The following PRKDC variants were observed in gnomAD, a reference collection of about 807,000 sequenced individuals.
PRKDC encodes DNA-dependent protein kinase catalytic subunit.
PRKDC carries 82 observed loss-of-function variants against 486.9 expected under a neutral mutation model. The observed-to-expected ratio is 0.17, with a 90% CI of 0.14 to 0.20. The LOEUF is 0.20. Among genes scored for constraint, PRKDC ranks in the 10% least tolerant of loss-of-function variants. The probability of loss-of-function intolerance (pLI) is 1.00; values close to 1 mark genes in which losing one functional copy is unlikely to be tolerated. For missense variants in PRKDC, 4,504 were observed against 5,038.2 expected (o/e 0.89, Z 3.21); for synonymous variants, 1,895 against 1,837.0 (o/e 1.03, Z -0.81).
In PRKDC at chr8:47,776,884, T is replaced by G. The variant is rs773752536; in HGVS notation, c.12142A>C (p.Lys4048Gln). ...GGATTGGCACCTGCTAACTTTCTCT[T>G]AGCGTAACATATTTTCTGTCGGGGG... ...WYPRQKICYAKRKLAGANPAV... is the reference protein window; with the variant it reads ...WYPRQKICYAQRKLAGANPAV... Residue 4048 changes from lysine (K) to glutamine (Q), a missense_variant, in exon 85 of 86, where the codon AAG (lysine) becomes CAG (glutamine). Transcript: ENST00000314191. The G allele has an allele frequency of 8.7e-6, 14 of 1,613,872 alleles. No individual in the cohort carries two copies. Among genetic ancestry groups the G allele is most frequent in the Middle Eastern group, 1.6e-4 (1 of 6,084 alleles).
At chr8:47,849,022 T>C in intron 54 of PRKDC, 132 bp downstream of exon 54, 3 of 1,210,936 alleles carry the variant, frequency 2.5e-6, no homozygotes, top group Non-Finnish European at 3.4e-6. Context: ...CTTCACCTTT[T>C]CTTCAGAGAT....
rs766296168 is a variant in PRKDC, at chr8:47,918,087, C to G, written c.2526+190G>C. Among the ~76,000 whole-genome samples, 11 of 152,166 alleles carry G rather than the reference C, an allele frequency of 7.2e-5. 1 individual carries two copies. Among genetic ancestry groups the G allele is most frequent in the Non-Finnish European group, 1.2e-4 (8 of 68,028 alleles). On this transcript the variant is annotated intron_variant, in intron 22 of 85. Coordinates refer to ENST00000314191, the MANE Select transcript of PRKDC (RefSeq NM_006904.7). Reference sequence around the variant, plus strand: ...AGCTCAAGCGATCCACCCACCTCACCCTCCTAAAGTGCTGGGATTACAGGT... The same window carrying G: ...AGCTCAAGCGATCCACCCACCTCACGCTCCTAAAGTGCTGGGATTACAGGT...
intron 16 of PRKDC, among the ~76,000 whole-genome samples, chr8:47,932,382 CT>C (rs1162885997): frequency 2.0e-5 from 3 of 149,466 alleles, no homozygotes; most frequent in African/African-American, 7.4e-5. Context: ...CGCGCCTGGC[CT>C]TTTTTTGTAT....
chr8:47,784,256 GC>G, intron 77 of PRKDC: 1 of 145,774 alleles, frequency 6.9e-6, no homozygotes, highest in Admixed American at 6.8e-5. Flanking sequence ...AGACTCCATC[GC>G]AAAAAAAAAA....
At chr8:47,875,554 T>C (rs1589758425) in intron 40 of PRKDC, among the ~76,000 whole-genome samples, 2 of 152,378 alleles carry the variant, frequency 1.3e-5, no homozygotes, top group African/African-American at 2.4e-5. Flanking sequence ...AATTAAAAGA[T>C]ACAAATTTCC....
Position 47,835,704 on chromosome 8 carries a change from G to A in PRKDC, c.7951+634C>T, listed in dbSNP as rs183258356. ...ATCATTCTTAGGTGCACAGTTCAAT[G>A]GCATTAAGGACATTTACGCTGCTGT... On this transcript the variant is annotated intron_variant, in intron 58 of 85. Transcript: ENST00000314191. Among the ~76,000 whole-genome samples the A allele has an allele frequency of 1.1e-3, 160 of 148,634 alleles. 1 individual carries two copies. The highest frequency in any genetic ancestry group is 3.6e-3 in the African/African-American group (144 of 40,436).
intron 1 of PRKDC, 100 bp from the exon 2 acceptor site, chr8:47,957,531 G>A (rs2090725537): frequency 9.8e-7 from 1 of 1,024,886 alleles, no homozygotes; most frequent in Non-Finnish European, 1.4e-6. Context: ...TTTTTTTTGA[G>A]ATGGAGTCTC....
intron 25 of PRKDC, among the ~76,000 whole-genome samples, chr8:47,908,880 C>T (rs1244403720): frequency 6.6e-6 from 1 of 152,150 alleles, no homozygotes; most frequent in Non-Finnish European, 1.5e-5. Context: ...TATTGATTTA[C>T]AGTTAGTTTC....
At chr8:47,775,886 C>T (rs1201694725) in intron 85 of PRKDC, among the ~76,000 whole-genome samples, 2 of 149,944 alleles carry the variant, frequency 1.3e-5, no homozygotes, top group Non-Finnish European at 3.0e-5. Flanking sequence ...ACAGTGGTGC[C>T]ATCTTGGCTC....
chr8:47,899,208 G>A (rs1024102282), intron 28 of PRKDC, among the ~76,000 whole-genome samples: 9 of 152,112 alleles, frequency 5.9e-5, no homozygotes, highest in African/African-American at 2.2e-4. Flanking sequence ...AGTTTCACTC[G>A]TTGAAAAAAT....
chr8:47,951,352 C>T (rs1437607795), intron 7 of PRKDC, among the ~76,000 whole-genome samples: 3 of 151,482 alleles, frequency 2.0e-5, no homozygotes, highest in Admixed American at 6.6e-5. Flanking sequence ...CAGAGTGAGA[C>T]CCTGTCTCAG....
chr8:47,782,701 C>T lies in PRKDC; in HGVS notation c.11176-103G>A. On this transcript the variant is annotated intron_variant, in intron 78 of 85. Coordinates refer to ENST00000314191, the MANE Select transcript of PRKDC (RefSeq NM_006904.7). This position sits in a 1 kb window ranked among gnomAD's most constrained non-coding sequence, Gnocchi z 4.9. ...GAGCATTCCTCCGTGGGGCCGCCCT[C>T]TGAAGACAGTGCCAAAGAGCAGAGC... 1 of 1,298,984 alleles carries T rather than the reference C, an allele frequency of 7.7e-7. No homozygotes were observed. The highest frequency in any genetic ancestry group is 2.5e-5 in the East Asian group (1 of 39,468). The allele number at this position is 1,298,984 out of a possible 1,614,324, so 80.5% of individuals were successfully genotyped here.
At position 47,882,013 on chromosome 8, in the gene PRKDC, T is replaced by C. The variant is rs370593598; in HGVS notation, c.4861A>G (p.Thr1621Ala). ...CACTTCTTCCAGTGTTGCAGAATTG[T>C]AGTCGCAAGTTTCAGTCCTTGGTGT... ...QKHQGLKLAT[T>A]ILQHWKKCDS... Residue 1621 changes from threonine (T) to alanine (A), a missense_variant, in exon 37 of 86, where the codon ACA becomes GCA. This residue lies in a region of PRKDC where 1,969 missense variants were observed against 2,068.9 expected (regional missense o/e 0.95). Coordinates refer to ENST00000314191, the MANE Select transcript of PRKDC (RefSeq NM_006904.7). The C allele has an allele frequency of 1.7e-5, 27 of 1,613,940 alleles. No homozygotes were observed. Among genetic ancestry groups the C allele is most frequent in the Non-Finnish European group, 2.0e-5 (24 of 1,179,894 alleles).
intron 21 of PRKDC, among the ~76,000 whole-genome samples, chr8:47,922,503 CT>C (rs572433897): frequency 7.2e-4 from 109 of 151,948 alleles, no homozygotes; most frequent in African/African-American, 2.4e-3. Flanking sequence ...ATAAGGTCTC[CT>C]TATGTTGCCC....
At chr8:47,875,186 C>T (rs1023453388) in intron 40 of PRKDC, among the ~76,000 whole-genome samples, 3 of 152,152 alleles carry the variant, frequency 2.0e-5, no homozygotes, top group Non-Finnish European at 2.9e-5. Flanking sequence ...TGGTAATTTA[C>T]GACTTTCTAT....
At chr8:47,819,688 TA>T (rs1385706513) in intron 66 of PRKDC, among the ~76,000 whole-genome samples, 178 bp from the exon 67 acceptor site, 1 of 151,794 alleles carries the variant, frequency 6.6e-6, no homozygotes, top group South Asian at 2.1e-4. Flanking sequence ...GTTTAAATTT[TA>T]AAAAAAAATT....
chr8:47,804,529 A>T (rs2087178120), intron 69 of PRKDC, among the ~76,000 whole-genome samples: 1 of 152,000 alleles, frequency 6.6e-6, no homozygotes, highest in Non-Finnish European at 1.5e-5. Context: ...CAAACTCCTG[A>T]CGTCAAGTGA....
At chr8:47,781,972 T>C (rs1298480728) in intron 80 of PRKDC, among the ~76,000 whole-genome samples, 190 bp downstream of exon 80, 1 of 152,252 alleles carries the variant, frequency 6.6e-6, no homozygotes, top group Non-Finnish European at 1.5e-5. Flanking sequence ...TTAATAAATA[T>C]TTTGTATTAC....
Position 47,888,527 on chromosome 8 carries a change from T to G in PRKDC, c.4404A>C (p.Leu1468Phe). The G allele has an allele frequency of 6.4e-7, 1 of 1,558,398 alleles. No individual in the cohort carries two copies. Among genetic ancestry groups the G allele is most frequent in the Non-Finnish European group, 8.7e-7 (1 of 1,150,488 alleles). Residue 1468 changes from leucine (L) to phenylalanine (F), a missense_variant, in exon 34 of 86, where the codon TTA becomes TTC. This residue lies in a region of PRKDC where 1,969 missense variants were observed against 2,068.9 expected (regional missense o/e 0.95). Coordinates refer to ENST00000314191, the MANE Select transcript of PRKDC (RefSeq NM_006904.7). ...AATAAGTTATAGTTACCTGAGACGG[T>G]AATATATTATGCAGAAGCCCAGCTC... ...LHRAGLLHNI[L>F]PSQSTDLHHS...
Sources: gnomAD v4.1 joint callset for allele counts (sites outside exome capture counted in the v4.1 genomes callset) on GRCh38, gnomAD v4.1.1 for gene constraint, gnomAD v4.1.1 regional missense constraint, Gnocchi (gnomAD v3.1) non-coding constraint, MANE v1.5 for transcripts, NCBI Gene and HGNC (gene_info 2026-07-23, HGNC 2026-07-21) for gene names.